Variants in PAM observed in about 807,000 individuals in gnomAD.
PAM encodes peptidyl-glycine alpha-amidating monooxygenase.
In PAM, 72 loss-of-function variants were observed where a neutral mutation model predicts 122.1. The observed-to-expected ratio is 0.59, with a 90% CI of 0.49 to 0.72. PAM has a LOEUF of 0.72. PAM is among the 30% of genes least tolerant of loss of function. The pLI is 0.00. For missense variants in PAM, 1,106 were observed against 1,183.7 expected (o/e 0.93, Z 0.96); for synonymous variants, 389 against 404.4 (o/e 0.96, Z 0.46).
intron 4 of PAM, among the ~76,000 whole-genome samples, chr5:102,903,470 TATAG>T (rs1284447487): frequency 1.3e-5 from 2 of 151,578 alleles, no homozygotes; most frequent in Admixed American, 6.6e-5. Flanking sequence ...GACGATCCTG[TATAG>T]ATAGTCTCAT....
chr5:102,831,501 T>C (rs745669691), intron 1 of PAM, among the ~76,000 whole-genome samples: 21 of 152,080 alleles, frequency 1.4e-4, no homozygotes, highest in Non-Finnish European at 1.8e-4. Context: ...AGATTAAATC[T>C]TTGAGGAATT....
At chr5:102,888,816 T>G (rs1793939521) in intron 3 of PAM, among the ~76,000 whole-genome samples, 1 of 152,004 alleles carries the variant, frequency 6.6e-6, no homozygotes, top group Non-Finnish European at 1.5e-5. Context: ...AAATAATGCT[T>G]TTATTTAAAA....
chr5:102,783,687 G>A (rs1759661796), intron 1 of PAM, among the ~76,000 whole-genome samples: 1 of 152,146 alleles, frequency 6.6e-6, no homozygotes, highest in Non-Finnish European at 1.5e-5. Context: ...TTTGCATACT[G>A]GAATGTCTTT....
intron 1 of PAM, among the ~76,000 whole-genome samples, chr5:102,794,512 A>G (rs1762858880): frequency 1.3e-5 from 2 of 152,052 alleles, no homozygotes; most frequent in Admixed American, 1.3e-4. Flanking sequence ...TTCCTATTCT[A>G]TATTAAGAAA....
intron 16 of PAM, among the ~76,000 whole-genome samples, chr5:102,993,944 C>T (rs895855315): frequency 1.3e-5 from 2 of 152,130 alleles, no homozygotes; most frequent in African/African-American, 2.4e-5. Flanking sequence ...GAGTCTGTGG[C>T]TTAGCCTGTG....
intron 12 of PAM, among the ~76,000 whole-genome samples, chr5:102,951,624 T>C (rs1758924548): frequency 6.6e-6 from 1 of 152,104 alleles, no homozygotes; most frequent in Non-Finnish European, 1.5e-5. Context: ...ATTCTTGCGA[T>C]AGCAACACTA....
Position 102,998,144 on chromosome 5 carries a change from A to T in PAM, c.1614-4889A>T, listed in dbSNP as rs140936706. Reference sequence around the variant, plus strand: ...TGTATGCTCCTGGAGAGGGAGGGAAACCTTTTTACTTTCTCCTCATCAATA... The same window carrying T: ...TGTATGCTCCTGGAGAGGGAGGGAATCCTTTTTACTTTCTCCTCATCAATA... On this transcript the variant is annotated intron_variant, in intron 16 of 25. Transcript: ENST00000438793. 4.1e-3 allele frequency among the ~76,000 whole-genome samples: 627 copies of T among 152,278 alleles called. 7 individuals are homozygous for T. Among genetic ancestry groups the T allele is most frequent in the African/African-American group, 0.014 (599 of 41,562 alleles).
intron 3 of PAM, among the ~76,000 whole-genome samples, chr5:102,897,939 G>A (rs938146119): frequency 2.0e-5 from 3 of 151,464 alleles, no homozygotes; most frequent in South Asian, 2.1e-4. Flanking sequence ...TTTTATTAAC[G>A]TCCTTTTCCA....
intron 1 of PAM, among the ~76,000 whole-genome samples, chr5:102,815,035 C>T (rs1474839266): frequency 6.6e-6 from 1 of 152,036 alleles, no homozygotes; most frequent in East Asian, 1.9e-4. Context: ...ATTCCTCTAT[C>T]TTCCTTTAGT....
At chr5:102,925,758 C>T (rs746616123) in intron 6 of PAM, among the ~76,000 whole-genome samples, 32 of 150,686 alleles carry the variant, frequency 2.1e-4, no homozygotes, top group Non-Finnish European at 3.5e-4. Context: ...TGTTGACATA[C>T]ATTGGTAGAG....
chr5:102,828,998 C>T (rs1331498900), intron 1 of PAM, among the ~76,000 whole-genome samples: 3 of 148,648 alleles, frequency 2.0e-5, no homozygotes, highest in Non-Finnish European at 4.4e-5. Context: ...CAGCAATCCT[C>T]ATCTCAGCTT....
rs77021353 is a variant in PAM at position 102,799,858 on chromosome 5, C to A, written c.-374+44510C>A. On this transcript the variant is annotated intron_variant, in intron 1 of 25. Coordinates refer to ENST00000438793, the MANE Select transcript of PAM (RefSeq NM_001177306.2). ...TCTCTTCTTTCTATTTTGTTGACAGCCTCCCTAATGAAAATATCAATTCAC... is the reference window on the plus strand; with the variant it reads ...TCTCTTCTTTCTATTTTGTTGACAGACTCCCTAATGAAAATATCAATTCAC... 5.6e-3 allele frequency among the ~76,000 whole-genome samples: 852 copies of A among 152,256 alleles called. 11 individuals carry two copies. Among genetic ancestry groups the A allele is most frequent in the African/African-American group, 0.019 (798 of 41,544 alleles).
chr5:102,809,596 G>C (rs992472678), intron 1 of PAM, among the ~76,000 whole-genome samples: 19 of 152,180 alleles, frequency 1.2e-4, no homozygotes, highest in African/African-American at 4.6e-4. Context: ...CCTCCCTAGA[G>C]AAATGTCTAA....
At chr5:102,871,114 G>C (rs1787279803) in intron 3 of PAM, among the ~76,000 whole-genome samples, 1 of 152,136 alleles carries the variant, frequency 6.6e-6, no homozygotes, top group Admixed American at 6.5e-5. Flanking sequence ...TTGGGGCTGG[G>C]CTGACAGCAT....
chr5:102,917,686 C>T (rs1745909221), intron 5 of PAM, among the ~76,000 whole-genome samples: 1 of 152,130 alleles, frequency 6.6e-6, no homozygotes, highest in African/African-American at 2.4e-5. Context: ...AAACATGTTT[C>T]CCCTGAAATT....
At chr5:102,881,414 T>A (rs576180309) in intron 3 of PAM, among the ~76,000 whole-genome samples, 3 of 152,200 alleles carry the variant, frequency 2.0e-5, no homozygotes, top group Admixed American at 6.5e-5. Context: ...TCAAAAGAGC[T>A]ATGATATACA....
intron 1 of PAM, among the ~76,000 whole-genome samples, chr5:102,849,967 C>G (rs1234472946): frequency 6.6e-6 from 1 of 152,094 alleles, no homozygotes; most frequent in Non-Finnish European, 1.5e-5. Flanking sequence ...ATATATTACT[C>G]TCATTTTAAA....
intron 15 of PAM, among the ~76,000 whole-genome samples, chr5:102,980,486 C>T (rs1253750598): frequency 1.3e-5 from 2 of 152,024 alleles, no homozygotes; most frequent in Non-Finnish European, 2.9e-5. Context: ...AAGTTCCTTT[C>T]CTGTCAAATG....
chr5:102,871,222 A>T (rs920923235), intron 3 of PAM, among the ~76,000 whole-genome samples: 1 of 152,178 alleles, frequency 6.6e-6, no homozygotes, highest in African/African-American at 2.4e-5. Flanking sequence ...TTATTATCCC[A>T]CACTACCAAG....
Sources: gnomAD v4.1 joint callset for allele counts (sites outside exome capture counted in the v4.1 genomes callset) on GRCh38, gnomAD v4.1.1 for gene constraint, MANE v1.5 for transcripts, NCBI Gene and HGNC (gene_info 2026-07-23, HGNC 2026-07-21) for gene names.